The following AP1AR variants were observed in gnomAD, a reference collection of about 807,000 sequenced individuals.
AP1AR encodes adaptor related protein complex 1 associated regulatory protein, also known as AP-1 complex-associated regulatory protein.
Under a neutral mutation model 46.3 loss-of-function variants are expected in AP1AR, and 29 were observed. That is an observed-to-expected ratio of 0.63 (90% confidence interval 0.47 to 0.85). The LOEUF (loss-of-function observed/expected upper bound fraction) is 0.85, where lower values mean the gene tolerates loss of function less well. Ranked by LOEUF, AP1AR falls within the 40% of genes least tolerant of loss-of-function variation. The probability of loss-of-function intolerance (pLI) is 0.00; values close to 1 mark genes in which losing one functional copy is unlikely to be tolerated. For missense variants in AP1AR, 357 were observed against 356.3 expected, an observed-to-expected ratio of 1.00 and a Z score of -0.02; for synonymous variants, 122 against 122.9, an observed-to-expected ratio of 0.99 and a Z score of 0.05.
rs1726856827 is a variant in AP1AR, at chr4:112,269,457, G to A, written c.*1048G>A. ...CTGTTCTTTTCTCTAAAATGTATAT[G>A]TCAATTTACAAGGCCAGGGATAGAA... On this transcript the variant is annotated 3_prime_UTR_variant, in exon 10 of 10. Coordinates refer to ENST00000274000, the MANE Select transcript of AP1AR (RefSeq NM_018569.6). 1 of 152,298 alleles carries A rather than the reference G, an allele frequency of 6.6e-6. No homozygotes were observed. Among genetic ancestry groups the A allele is most frequent in the Admixed American group, 6.6e-5 (1 of 15,242 alleles). The allele number at this position is 152,298 out of a possible 1,614,324, so 9.4% of individuals were successfully genotyped here.
intron 5 of AP1AR, 104 bp downstream of exon 5, chr4:112,260,966 CAGATGAAT>C: frequency 1.7e-6 from 1 of 576,836 alleles, no homozygotes; most frequent in South Asian, 5.3e-5. Flanking sequence ...TAGATATATA[CAGATGAAT>C]CTGTTTTAAG....
intron 1 of AP1AR, among the ~76,000 whole-genome samples, chr4:112,241,936 C>G (rs1185896535): frequency 6.6e-6 from 1 of 151,852 alleles, no homozygotes; most frequent in East Asian, 1.9e-4. Context: ...TTTTAATAGA[C>G]TTTGGAACAA....
In AP1AR at chr4:112,260,803, A is replaced by G. The variant is rs1377777415; in HGVS notation, c.223A>G (p.Arg75Gly). The G allele has an allele frequency of 1.9e-6, 3 of 1,606,132 alleles. No individual in the cohort carries two copies. Among genetic ancestry groups the G allele is most frequent in the South Asian group, 2.3e-5 (2 of 88,782 alleles). The change falls in exon 5 of 10, where the codon AGG becomes GGG. Residue 75 changes from arginine (R) to glycine (G), a missense_variant. Coordinates refer to ENST00000274000, the MANE Select transcript of AP1AR (RefSeq NM_018569.6). ...GGAAGAAATTGTTGACCTAAGAGAA[A>G]GGCATTATGATTCCATTGCCGAAAA... ...TEEEIVDLRE[R>G]HYDSIAEKQK...
At chr4:112,240,332 A>G (rs967892822) in intron 1 of AP1AR, among the ~76,000 whole-genome samples, 3 of 152,202 alleles carry the variant, frequency 2.0e-5, no homozygotes, top group African/African-American at 7.2e-5. Flanking sequence ...AAGTCTTCCA[A>G]AACCATCTCC....
chr4:112,240,052 T>C (rs1725420029), intron 1 of AP1AR, among the ~76,000 whole-genome samples: 1 of 152,238 alleles, frequency 6.6e-6, no homozygotes, highest in Non-Finnish European at 1.5e-5. Context: ...TCAATAGATC[T>C]TTTGCCTTTT....
rs1726880542 is a variant in AP1AR at position 112,269,884 on chromosome 4, G to A, written c.*1475G>A. ...AAGGTAATCTATATTCACATTGCCT[G>A]TGTTAATGCTTTTTAAAGTTTGTAT... On this transcript the variant is annotated 3_prime_UTR_variant, in exon 10 of 10. Transcript: ENST00000274000. 6.6e-6 allele frequency: 1 copy of A among 152,448 alleles called. No individual in the cohort carries two copies. Among genetic ancestry groups the A allele is most frequent in the Non-Finnish European group, 1.5e-5 (1 of 67,946 alleles). 9.4% of individuals were successfully genotyped at this position (152,448 alleles called of 1,614,324 possible).
At chr4:112,250,248 T>C (rs1193304473) in intron 1 of AP1AR, among the ~76,000 whole-genome samples, 4 of 152,352 alleles carry the variant, frequency 2.6e-5, no homozygotes, top group Admixed American at 6.5e-5. Flanking sequence ...TAGTTTATTA[T>C]AGGAAACATT....
rs1361476985 is a variant in AP1AR, at chr4:112,237,579, C to T, written c.83+5405C>T. ...CTCAAGCAATTCTACCTCAGCCTCC[C>T]AAGTAGCTGGGACTACAGGCGCAGG... On this transcript the variant is annotated intron_variant, in intron 1 of 9. Coordinates refer to ENST00000274000, the MANE Select transcript of AP1AR (RefSeq NM_018569.6). Among the ~76,000 whole-genome samples the T allele has an allele frequency of 2.6e-5, 4 of 152,158 alleles. No individual in the cohort carries two copies. In the East Asian group the frequency reaches 7.7e-4, roughly 29 times the overall value.
intron 9 of AP1AR, 63 bp downstream of exon 9, chr4:112,266,779 T>A (rs568280938): frequency 4.2e-6 from 6 of 1,429,680 alleles, no homozygotes; most frequent in East Asian, 5.0e-5. Context: ...TTTATGTAAA[T>A]CTACCTTGGT....
In AP1AR at chr4:112,231,975, C is replaced by G; in HGVS notation, c.-117C>G. The G allele has an allele frequency of 2.0e-6, 2 of 989,690 alleles. No individual in the cohort carries two copies. The highest frequency in any genetic ancestry group is 2.7e-6 in the Non-Finnish European group (2 of 747,664). The allele number at this position is 989,690 out of a possible 1,614,324, so 61.3% of individuals were successfully genotyped here. On this transcript the variant is annotated 5_prime_UTR_variant, in exon 1 of 10. Coordinates refer to ENST00000274000, the MANE Select transcript of AP1AR (RefSeq NM_018569.6). The stretch of plus-strand genomic sequence containing the variant: ...CTCACGCCGCCGGGCTCTGGCCGGC[C>G]CGCCCTCGGTCCTTGAACCCCATTT...
chr4:112,244,076 A>G (rs1725620044), intron 1 of AP1AR, among the ~76,000 whole-genome samples: 1 of 152,216 alleles, frequency 6.6e-6, no homozygotes, highest in African/African-American at 2.4e-5. Flanking sequence ...TAAGATAGCA[A>G]TGAAAAAATA....
At chr4:112,257,673 A>G in intron 3 of AP1AR, 99 bp from the exon 4 acceptor site, 1 of 838,744 alleles carries the variant, frequency 1.2e-6, no homozygotes, top group Non-Finnish European at 1.8e-6. Context: ...AAAAATGGGT[A>G]AGTTGAAAGT....
rs1726886387 is a variant in AP1AR at position 112,270,011 on chromosome 4, T to A, written c.*1602T>A. On this transcript the variant is annotated 3_prime_UTR_variant, in exon 10 of 10. Coordinates refer to ENST00000274000, the MANE Select transcript of AP1AR (RefSeq NM_018569.6). ...TTGAAGGAATGGTAACAAATGGTAA[T>A]TTACAAATGGTTGTGAATAAACACA... 6.6e-6 allele frequency: 1 copy of A among 152,592 alleles called. No homozygotes were observed. The highest frequency in any genetic ancestry group is 6.5e-5 in the Admixed American group (1 of 15,272). 9.5% of individuals were successfully genotyped at this position (152,592 alleles called of 1,614,324 possible).
chr4:112,259,864 A>ATATATTGGTGGG (rs1431596008), intron 4 of AP1AR, among the ~76,000 whole-genome samples: 1 of 152,102 alleles, frequency 6.6e-6, no homozygotes, highest in Non-Finnish European at 1.5e-5. Flanking sequence ...AATAGGAAGG[A>ATATATTGGTGGG]TATATGTAAG....
chr4:112,266,599 G>A lies in AP1AR; in HGVS notation c.526G>A (p.Asp176Asn). Reference protein sequence around the residue: ...EVFRSSRLSSDATVLTPNTES... With the variant: ...EVFRSSRLSSNATVLTPNTES... Reference sequence around the variant, plus strand: ...CGTGTATATTCTAGGACTCTCATCAGATGCTACAGTTTTGACACCAAATAC... The same window carrying A: ...CGTGTATATTCTAGGACTCTCATCAAATGCTACAGTTTTGACACCAAATAC... Residue 176 changes from aspartate to asparagine, a missense_variant, in exon 9 of 10, where the codon GAT becomes AAT. Coordinates refer to ENST00000274000, the MANE Select transcript of AP1AR (RefSeq NM_018569.6). 6.2e-7 allele frequency: 1 copy of A among 1,610,104 alleles called. No homozygotes were observed. The highest frequency in any genetic ancestry group is 8.5e-7 in the Non-Finnish European group (1 of 1,177,492).
intron 2 of AP1AR, 32 bp downstream of exon 2, chr4:112,253,288 A>T: frequency 2.5e-6 from 4 of 1,571,344 alleles, no homozygotes; most frequent in East Asian, 2.2e-5. Flanking sequence ...TGAATTAAAA[A>T]TGCCTTCAGA....
intron 4 of AP1AR, among the ~76,000 whole-genome samples, chr4:112,258,955 C>CT (rs1433319115): frequency 6.6e-6 from 1 of 152,026 alleles, no homozygotes; most frequent in Non-Finnish European, 1.5e-5. Context: ...GATCACCTAA[C>CT]TGAGGTGGGG....
intron 5 of AP1AR, among the ~76,000 whole-genome samples, 174 bp downstream of exon 5, chr4:112,261,036 T>C (rs1207747878): frequency 3.3e-5 from 5 of 152,230 alleles, no homozygotes; most frequent in African/African-American, 1.2e-4. Context: ...TTTGGCTTAA[T>C]TTATCAGAAA....
intron 1 of AP1AR, among the ~76,000 whole-genome samples, chr4:112,244,190 C>T (rs1008310438): frequency 2.0e-5 from 3 of 152,188 alleles, no homozygotes; most frequent in South Asian, 4.1e-4. Flanking sequence ...GGTAAAAAGA[C>T]TCACTGTGCT....
Sources: gnomAD v4.1 joint callset for allele counts (sites outside exome capture counted in the v4.1 genomes callset) on GRCh38, gnomAD v4.1.1 for gene constraint, MANE v1.5 for transcripts, NCBI Gene and HGNC (gene_info 2026-07-23, HGNC 2026-07-21) for gene names.